ASH1L: variants seen among roughly 807,000 people sequenced by gnomAD.
ASH1L encodes histone-lysine N-methyltransferase ASH1L.
Under a neutral mutation model 269.0 loss-of-function variants are expected in ASH1L, and 23 were observed. The ratio of observed to expected loss-of-function variants is 0.09; its 90% CI spans 0.06 to 0.12. The LOEUF is 0.12. Ranked by LOEUF, ASH1L falls within the 10% of genes least tolerant of loss-of-function variation. The pLI, the probability that ASH1L is intolerant of heterozygous loss-of-function variation, is 1.00. For synonymous variants in ASH1L, 1,187 were observed against 1,253.5 expected (o/e 0.95, Z 1.12); for missense variants, 2,912 against 3,567.8 (o/e 0.82, Z 4.68).
In ASH1L at chr1:155,481,783, T is replaced by C; in HGVS notation, c.1087A>G (p.Thr363Ala). The C allele has an allele frequency of 6.2e-7, 1 of 1,614,202 alleles. No homozygotes were observed. ...TCTTTATTAACCAGTCCAACCACAG[T>C]GCCAAGTCCTAACTTCTTGCCAGAC... Reference protein sequence around the residue: ...KESGKKLGLGTVVGLVNKDLG... With the variant: ...KESGKKLGLGAVVGLVNKDLG... The change falls in exon 3 of 28, where the codon ACT (threonine) becomes GCT (alanine). Residue 363 changes from threonine (T) to alanine (A), a missense_variant. Thr to Ala is a moderately conservative substitution (Grantham distance 58). Coordinates refer to ENST00000392403, the MANE Select transcript of ASH1L (RefSeq NM_018489.3).
At position 155,438,948 on chromosome 1, in the gene ASH1L, G is replaced by C. The variant is rs1662326506; in HGVS notation, c.5207C>G (p.Ala1736Gly). Reference sequence around the variant, plus strand: ...TGGTGCAGAGGCAGTTGCAATCACAGCATCAATACTTTTCTCCATGGGCTC... The same window carrying C: ...TGGTGCAGAGGCAGTTGCAATCACACCATCAATACTTTTCTCCATGGGCTC... ...DQEPMEKSID[A>G]VIATASAPPS... is the part of the protein sequence containing the mutation. The change falls in exon 5 of 28, where the codon GCT becomes GGT. Residue 1736 changes from alanine to glycine, a missense_variant. By Grantham distance (60) the Ala-to-Gly change is moderately conservative. Transcript: ENST00000392403. The C allele has an allele frequency of 6.2e-7, 1 of 1,614,042 alleles. No individual in the cohort carries two copies. Among genetic ancestry groups the C allele is most frequent in the Admixed American group, 1.7e-5 (1 of 59,982 alleles).
intron 10 of ASH1L, among the ~76,000 whole-genome samples, chr1:155,373,596 T>C (rs891229548): frequency 1.4e-4 from 21 of 152,162 alleles, no homozygotes; most frequent in Non-Finnish European, 3.1e-4. Context: ...CCAATGCACC[T>C]GGCTGTTTTA....
At chr1:155,454,722 CGTGACACTGCACTCCAGCCTGG>C (rs1663755973) in intron 4 of ASH1L, among the ~76,000 whole-genome samples, 1 of 152,008 alleles carries the variant, frequency 6.6e-6, no homozygotes, top group Non-Finnish European at 1.5e-5. Flanking sequence ...GAGCTGAGAT[CGTGACACTGCACTCCAGCCTGG>C]GTGACAAGAG....
chr1:155,473,724 C>T (rs761259720), intron 3 of ASH1L, among the ~76,000 whole-genome samples: 66 of 152,158 alleles, frequency 4.3e-4, no homozygotes, highest in Non-Finnish European at 8.1e-4. Flanking sequence ...TGGTCTTCAA[C>T]TCCTAGGCTC....
At chr1:155,416,228 T>G (rs1660196122) in intron 5 of ASH1L, among the ~76,000 whole-genome samples, 1 of 151,960 alleles carries the variant, frequency 6.6e-6, no homozygotes, top group Admixed American at 6.6e-5. Flanking sequence ...CTTTCTGGGT[T>G]CAAGCAATTC....
intron 1 of ASH1L, among the ~76,000 whole-genome samples, chr1:155,542,935 T>C (rs1425356667): frequency 3.3e-5 from 5 of 151,884 alleles, no homozygotes; most frequent in African/African-American, 1.2e-4. Flanking sequence ...CCTCCCAAAG[T>C]GCTGGGATTA....
chr1:155,494,059 A>G (rs977028713), intron 2 of ASH1L, among the ~76,000 whole-genome samples: 17 of 152,216 alleles, frequency 1.1e-4, no homozygotes, highest in Non-Finnish European at 1.3e-4. Flanking sequence ...AAAATGCACT[A>G]TGGAGAAAAT....
rs776102322 is a variant in ASH1L, at chr1:155,478,755, G to GGAA, written c.4112_4114dup (p.Phe1371_Pro1372insLeu). 6.2e-7 allele frequency: 1 copy of GGAA among 1,614,058 alleles called. No homozygotes were observed. The highest frequency in any genetic ancestry group is 8.5e-7 in the Non-Finnish European group (1 of 1,180,008). On this transcript the variant is annotated inframe_insertion, in exon 3 of 28. Coordinates refer to ENST00000392403, the MANE Select transcript of ASH1L (RefSeq NM_018489.3). The surrounding 1 kb of genome is among the most constrained non-coding windows in gnomAD (Gnocchi z 4.6). ...TGGATAGAATCCAGTACTAGAAAGA[G>GGAA]GAAAACTAAGGCTGTGCATAAAAGG... is the stretch of plus-strand genomic sequence containing the variant.
At chr1:155,404,509 T>G (rs1659102988) in intron 6 of ASH1L, among the ~76,000 whole-genome samples, 1 of 151,994 alleles carries the variant, frequency 6.6e-6, no homozygotes, top group Non-Finnish European at 1.5e-5. Flanking sequence ...CCTCATTGTC[T>G]CTACAAAAAA....
At chr1:155,409,960 G>GT (rs1364896453) in intron 6 of ASH1L, among the ~76,000 whole-genome samples, 3 of 151,606 alleles carry the variant, frequency 2.0e-5, no homozygotes, top group Non-Finnish European at 4.4e-5. Context: ...GAGGTCAGGA[G>GT]TTTGAGACCA....
intron 1 of ASH1L, among the ~76,000 whole-genome samples, chr1:155,556,663 G>A (rs905907805): frequency 2.0e-5 from 3 of 151,954 alleles, no homozygotes; most frequent in Non-Finnish European, 2.9e-5. Context: ...GGATGGTCTC[G>A]AACTCCTGAC....
At chr1:155,542,422 G>A (rs977960658) in intron 1 of ASH1L, among the ~76,000 whole-genome samples, 4 of 151,926 alleles carry the variant, frequency 2.6e-5, no homozygotes, top group African/African-American at 4.8e-5. Flanking sequence ...GGTGGTGGGC[G>A]CCTGTAGTCC....
chr1:155,558,621 G>T (rs771793244), intron 1 of ASH1L, among the ~76,000 whole-genome samples: 3 of 152,082 alleles, frequency 2.0e-5, no homozygotes, highest in Non-Finnish European at 4.4e-5. Context: ...ATAGCTCACA[G>T]CAGCTTCCAA....
chr1:155,479,818 G>T lies in ASH1L; in HGVS notation c.3052C>A (p.Leu1018Ile). Residue 1018 changes from leucine to isoleucine, a missense_variant, in exon 3 of 28, where the codon CTC becomes ATC. Leu to Ile is a conservative substitution (Grantham distance 5, BLOSUM62 2). Around this residue, in one of 13 missense-constraint regions of ASH1L, gnomAD observed 715 missense variants for 721.0 expected, o/e 0.99. Transcript: ENST00000392403. ...SSNKGKVQSK[L>I]HNTVSSLAAT... ...GCAAGACTTGATACCGTATTATGGA[G>T]TTTGGATTGCACTTTCCCTTTATTA... The T allele has an allele frequency of 6.2e-7, 1 of 1,614,162 alleles. No homozygotes were observed. The highest frequency in any genetic ancestry group is 1.1e-5 in the South Asian group (1 of 91,062).
In ASH1L at chr1:155,378,277, G is replaced by A. The variant is rs753451861; in HGVS notation, c.6332+4C>T. On this transcript the variant is annotated splice_donor_region_variant and intron_variant, in intron 10 of 27. Transcript: ENST00000392403. ...GCTTTAGAGAAATCAAAGCATGACA[G>A]TACCTATTGAGGCAGTCATCAACAC... The A allele has an allele frequency of 7.5e-6, 12 of 1,608,960 alleles. No homozygotes were observed. Among genetic ancestry groups the A allele is most frequent in the Non-Finnish European group, 9.4e-6 (11 of 1,175,310 alleles).
intron 12 of ASH1L, among the ~76,000 whole-genome samples, chr1:155,362,334 T>G (rs73008931): frequency 0.052 from 7,924 of 151,946 alleles, 698 homozygotes; most frequent in African/African-American, 0.18. Flanking sequence ...GTGCTTGACT[T>G]TGTTTTAGGT....
chr1:155,415,428 A>C (rs1660132192), intron 6 of ASH1L, among the ~76,000 whole-genome samples: 1 of 152,050 alleles, frequency 6.6e-6, no homozygotes, highest in Non-Finnish European at 1.5e-5. Flanking sequence ...CATCATTAGA[A>C]TCTCAATCTA....
At chr1:155,427,335 C>A (rs1661233652) in intron 5 of ASH1L, among the ~76,000 whole-genome samples, 1 of 150,780 alleles carries the variant, frequency 6.6e-6, no homozygotes, top group Non-Finnish European at 1.5e-5. Flanking sequence ...GAGATGGAGT[C>A]CCGCTCTTGT....
At chr1:155,543,669 C>T (rs1343874616) in intron 1 of ASH1L, among the ~76,000 whole-genome samples, 1 of 151,338 alleles carries the variant, frequency 6.6e-6, no homozygotes, top group Non-Finnish European at 1.5e-5. Context: ...TGGTGGCTCA[C>T]ATCTATAATC....
Sources: gnomAD v4.1 joint callset for allele counts (sites outside exome capture counted in the v4.1 genomes callset) on GRCh38, gnomAD v4.1.1 for gene constraint, gnomAD v4.1.1 regional missense constraint, Gnocchi (gnomAD v3.1) non-coding constraint, MANE v1.5 for transcripts, NCBI Gene and HGNC (gene_info 2026-07-23, HGNC 2026-07-21) for gene names.